The following DYTN variants were observed in gnomAD, a reference collection of about 807,000 sequenced individuals.
DYTN encodes the protein dystrotelin.
A neutral mutation model predicts 69.6 loss-of-function variants in DYTN; 75 were observed. That is an observed-to-expected ratio of 1.08 (90% CI 0.89 to 1.31). The LOEUF (loss-of-function observed/expected upper bound fraction) is 1.31, where lower values mean the gene tolerates loss of function less well. DYTN is among the 50% of genes most tolerant of loss of function. DYTN has a pLI of 0.00. For missense variants in DYTN, 726 were observed against 688.4 expected (o/e 1.05, Z -0.61); for synonymous variants, 252 against 249.1 (o/e 1.01, Z -0.11).
intron 9 of DYTN, among the ~76,000 whole-genome samples, chr2:206,690,150 G>C (rs2105896434): frequency 6.6e-6 from 1 of 152,316 alleles, no homozygotes; most frequent in East Asian, 1.9e-4. Flanking sequence ...GTCAGGAAAG[G>C]CCTTCAGGAT....
intron 7 of DYTN, among the ~76,000 whole-genome samples, chr2:206,698,278 T>A (rs1699941804): frequency 6.6e-6 from 1 of 152,230 alleles, no homozygotes; most frequent in Non-Finnish European, 1.5e-5. Flanking sequence ...TTTCACTGTG[T>A]CCTGCAAATT....
At position 206,710,597 on chromosome 2, in the gene DYTN, A is replaced by G. The variant is rs760077745; in HGVS notation, c.21T>C (p.Asp7=). ...TGGAATTCTCAATACTATTAAGAGCATCTGTAAAGAAAACGTAAAATATTA... is the reference window on the plus strand; with the variant it reads ...TGGAATTCTCAATACTATTAAGAGCGTCTGTAAAGAAAACGTAAAATATTA... The part of the protein sequence containing the change: MDPDKQ[D]ALNSIENSIY... Residue 7 remains aspartate, a splice_region_variant and synonymous_variant, in exon 2 of 12, where the codon GAT becomes GAC. Transcript: ENST00000452335. 1.3e-6 allele frequency: 2 copies of G among 1,599,342 alleles called. No homozygotes were observed. Among genetic ancestry groups the G allele is most frequent in the East Asian group, 2.2e-5 (1 of 44,674 alleles).
At position 206,693,114 on chromosome 2, in the gene DYTN, A is replaced by G. The variant is rs1481658122; in HGVS notation, c.980+61T>C. On this transcript the variant is annotated intron_variant, in intron 9 of 11. Coordinates refer to ENST00000452335, the MANE Select transcript of DYTN (RefSeq NM_001093730.1). ...TTAGAAAGATTGCTGGCCGGTTACC[A>G]TAACACCCAGGGCCCTTGGTGGCTG... The G allele has an allele frequency of 5.9e-6, 9 of 1,529,314 alleles. No homozygotes were observed. The African/African-American group carries it at 1.1e-4, about 19-fold the overall frequency. The allele number at this position is 1,529,314 out of a possible 1,614,324, so 94.7% of individuals were successfully genotyped here. A position where few individuals can be genotyped will look rare whatever the true frequency, so the allele number is the denominator to read the frequency against.
chr2:206,709,483 A>T (rs949935736), intron 2 of DYTN, among the ~76,000 whole-genome samples: 1 of 151,942 alleles, frequency 6.6e-6, no homozygotes, highest in Non-Finnish European at 1.5e-5. Context: ...ACACACACAT[A>T]CAAGCAAACA....
intron 7 of DYTN, among the ~76,000 whole-genome samples, chr2:206,697,490 CA>C: frequency 6.6e-6 from 1 of 152,160 alleles, no homozygotes; most frequent in Middle Eastern, 3.4e-3. Flanking sequence ...CTTCATCTCC[CA>C]AAAAACCAAA....
intron 9 of DYTN, among the ~76,000 whole-genome samples, chr2:206,673,253 CTAT>C (rs1344813147): frequency 6.6e-6 from 1 of 151,990 alleles, no homozygotes; most frequent in Non-Finnish European, 1.5e-5. Context: ...ATTGGTTCTC[CTAT>C]TTTTTATTTT....
intron 11 of DYTN, among the ~76,000 whole-genome samples, chr2:206,652,576 C>T (rs960997830): frequency 1.1e-4 from 16 of 152,044 alleles, no homozygotes; most frequent in African/African-American, 3.9e-4. Flanking sequence ...AGGATACACA[C>T]CAAAGTATTT....
chr2:206,683,693 GC>G (rs1022804536), intron 9 of DYTN, among the ~76,000 whole-genome samples: 2 of 151,810 alleles, frequency 1.3e-5, no homozygotes, highest in Non-Finnish European at 2.9e-5. Context: ...AATCATGCTA[GC>G]CCCCTTGCTG....
At chr2:206,705,021 G>T in intron 4 of DYTN, 78 bp from the exon 5 acceptor site, 1 of 1,164,168 alleles carries the variant, frequency 8.6e-7, no homozygotes, top group Admixed American at 2.0e-5. Context: ...TGAAGTAACA[G>T]TCTCTTTGTG....
chr2:206,709,012 A>C (rs901718092), intron 2 of DYTN, among the ~76,000 whole-genome samples: 1 of 152,192 alleles, frequency 6.6e-6, no homozygotes, highest in African/African-American at 2.4e-5. Context: ...AAAATGCATA[A>C]TTGGGGGTAA....
intron 9 of DYTN, among the ~76,000 whole-genome samples, chr2:206,680,488 C>A (rs899578956): frequency 2.0e-5 from 3 of 152,120 alleles, no homozygotes; most frequent in Non-Finnish European, 2.9e-5. Flanking sequence ...ACAAGGAAAT[C>A]ATTCCAGACA....
chr2:206,675,143 G>A (rs866229354), intron 9 of DYTN, among the ~76,000 whole-genome samples: 3 of 117,170 alleles, frequency 2.6e-5, no homozygotes, highest in East Asian at 2.5e-4. Flanking sequence ...GTGTGTGTGT[G>A]TGTATATATG....
chr2:206,718,230 C>T, intron 1 of DYTN, 31 bp downstream of exon 1: 1 of 1,576,850 alleles, frequency 6.3e-7, no homozygotes, highest in Non-Finnish European at 8.6e-7. Flanking sequence ...TGTTTACAAA[C>T]TATGCTCAGA....
At chr2:206,680,207 A>G (rs533603709) in intron 9 of DYTN, among the ~76,000 whole-genome samples, 2 of 152,342 alleles carry the variant, frequency 1.3e-5, no homozygotes, top group Admixed American at 1.3e-4. Flanking sequence ...CTTACATGGC[A>G]GCAGGCAAGA....
intron 11 of DYTN, among the ~76,000 whole-genome samples, chr2:206,662,491 A>G (rs1309392422): frequency 6.6e-6 from 1 of 152,142 alleles, no homozygotes. Context: ...TAATGATAAT[A>G]CTACTTATAA....
chr2:206,694,187 C>T (rs1255438045), intron 8 of DYTN, among the ~76,000 whole-genome samples: 1 of 152,162 alleles, frequency 6.6e-6, no homozygotes, highest in Admixed American at 6.5e-5. Flanking sequence ...ATGTACTATG[C>T]TGTTTCTCTT....
chr2:206,704,753 G>A (rs1381751181), intron 5 of DYTN, 90 bp downstream of exon 5: 9 of 1,113,030 alleles, frequency 8.1e-6, no homozygotes, highest in Non-Finnish European at 1.2e-5. Flanking sequence ...TATAAAGATA[G>A]ACTTGACACT....
Position 206,693,057 on chromosome 2 carries a change from C to T in DYTN, c.980+118G>A, listed in dbSNP as rs1033008438. 1.0e-5 allele frequency: 14 copies of T among 1,377,772 alleles called. No homozygotes were observed. In the Admixed American group the frequency reaches 3.3e-4, roughly 32 times the overall value. The allele number at this position is 1,377,772 out of a possible 1,614,324, so 85.3% of individuals were successfully genotyped here. ...AAAATATCTGAAGTCCAACCCTCACCCCTCCTCCTGCCTTGTCTAGGATCT... is the reference window on the plus strand; with the variant it reads ...AAAATATCTGAAGTCCAACCCTCACTCCTCCTCCTGCCTTGTCTAGGATCT... On this transcript the variant is annotated intron_variant, in intron 9 of 11. Coordinates refer to ENST00000452335, the MANE Select transcript of DYTN (RefSeq NM_001093730.1).
At chr2:206,666,860 T>TACACACACACACACACAC (rs35200393) in intron 9 of DYTN, among the ~76,000 whole-genome samples, 1 of 137,460 alleles carries the variant, frequency 7.3e-6, no homozygotes, top group African/African-American at 2.7e-5. Context: ...ACCTCATCTC[T>TACACACACACACACACAC]ACACACACAC....
Sources: allele counts gnomAD v4.1 joint callset (sites outside exome capture counted in the v4.1 genomes callset), GRCh38; gene constraint gnomAD v4.1.1; transcripts MANE v1.5; gene names NCBI Gene and HGNC (gene_info 2026-07-23, HGNC 2026-07-21).